Variants in GSTA2 observed in about 807,000 individuals in gnomAD.
GSTA2 encodes glutathione S-transferase alpha 2.
GSTA2 carries 27 observed loss-of-function variants against 22.4 expected under a neutral mutation model. That is an observed-to-expected ratio of 1.21 (90% CI 0.89 to 1.67). GSTA2 has a LOEUF of 1.67. GSTA2 is among the 40% of genes most tolerant of loss of function. The pLI is 0.00. For missense variants in GSTA2, 302 were observed against 260.2 expected (o/e 1.16, Z -1.11); for synonymous variants, 121 against 86.8 (o/e 1.39, Z -2.19).
intron 1 of GSTA2, among the ~76,000 whole-genome samples, chr6:52,759,106 G>T (rs1762903367): frequency 6.6e-6 from 1 of 152,294 alleles, no homozygotes; most frequent in Non-Finnish European, 1.5e-5. Flanking sequence ...AAATAGAAAA[G>T]AAAAGAATAG....
intron 4 of GSTA2, among the ~76,000 whole-genome samples, chr6:52,753,861 G>A (rs73740520): frequency 0.018 from 2,728 of 152,212 alleles, 89 homozygotes; most frequent in African/African-American, 0.061. Context: ...TACCATTAGC[G>A]GTATTCTTCA....
chr6:52,756,194 G>A lies in GSTA2; in HGVS notation c.139+64C>T, dbSNP rs138143600. The A allele has an allele frequency of 8.3e-4, 978 of 1,179,750 alleles. 4 individuals are homozygous for A. Among genetic ancestry groups the A allele is most frequent in the African/African-American group, 6.3e-3 (418 of 66,392 alleles). The allele number at this position is 1,179,750 out of a possible 1,614,324, so 73.1% of individuals were successfully genotyped here. Reference sequence around the variant, plus strand: ...CACACCCATAGACATTGCCGGCTGCGCAAACCTCCCCGTGTACCTTCTACT... The same window carrying A: ...CACACCCATAGACATTGCCGGCTGCACAAACCTCCCCGTGTACCTTCTACT... On this transcript the variant is annotated intron_variant, in intron 3 of 6. Coordinates refer to ENST00000493422, the MANE Select transcript of GSTA2 (RefSeq NM_000846.5).
Position 52,751,617 on chromosome 6 carries a change from T to C in GSTA2, c.506A>G (p.Glu169Gly). ...GCTGGAAATAAGGCTAGAGTCAAGCTCTTCCACGTAGTAGAGAAGTTCCAC... is the reference window on the plus strand; with the variant it reads ...GCTGGAAATAAGGCTAGAGTCAAGCCCTTCCACGTAGTAGAGAAGTTCCAC... ...HLVELLYYVEELDSSLISSFP... is the reference protein window; with the variant it reads ...HLVELLYYVEGLDSSLISSFP... Residue 169 changes from glutamate to glycine, a missense_variant, in exon 6 of 7, where the codon GAG (glutamate) becomes GGG (glycine). Physicochemically the swap from Glu to Gly is moderately conservative, Grantham distance 98. Coordinates refer to ENST00000493422, the MANE Select transcript of GSTA2 (RefSeq NM_000846.5). 3.7e-6 allele frequency: 6 copies of C among 1,614,114 alleles called. No individual in the cohort carries two copies. The highest frequency in any genetic ancestry group is 3.4e-6 in the Non-Finnish European group (4 of 1,180,010).
chr6:52,751,368 C>CAT (rs1762732483), intron 6 of GSTA2, among the ~76,000 whole-genome samples: 1 of 152,110 alleles, frequency 6.6e-6, no homozygotes, highest in African/African-American at 2.4e-5. Context: ...ATACTCTTTG[C>CAT]GGGGTAGCAT....
At chr6:52,751,246 G>A (rs1208224949) in intron 6 of GSTA2, among the ~76,000 whole-genome samples, 2 of 152,078 alleles carry the variant, frequency 1.3e-5, no homozygotes, top group East Asian at 3.9e-4. Flanking sequence ...ACTCAATGTG[G>A]GCACATATGG....
Position 52,751,587 on chromosome 6 carries a change from G to C in GSTA2, c.536C>G (p.Pro179Arg), listed in dbSNP as rs770599142. 6.2e-7 allele frequency: 1 copy of C among 1,614,052 alleles called. No homozygotes were observed. The highest frequency in any genetic ancestry group is 8.5e-7 in the Non-Finnish European group (1 of 1,179,976). ...ELDSSLISSF[P>R]LLKALKTRIS... ...TGTGAAATGGGTCACCTTCAGCAGA[G>C]GGAAGCTGGAAATAAGGCTAGAGTC... Residue 179 changes from proline to arginine, a missense_variant, in exon 6 of 7, where the codon CCT becomes CGT. By Grantham distance (103) the Pro-to-Arg change is moderately radical. Coordinates refer to ENST00000493422, the MANE Select transcript of GSTA2 (RefSeq NM_000846.5).
Position 52,750,308 on chromosome 6 carries a change from T to G in GSTA2, c.*269A>C, listed in dbSNP as rs575947792. 4.5e-4 allele frequency: 136 copies of G among 300,762 alleles called. 1 individual carries two copies. Among genetic ancestry groups the G allele is most frequent in the Middle Eastern group, 4.4e-3 (4 of 914 alleles). 18.6% of individuals were successfully genotyped at this position (300,762 alleles called of 1,614,324 possible). On this transcript the variant is annotated 3_prime_UTR_variant, in exon 7 of 7. Transcript: ENST00000493422. ...GGAAAAGTCAAACAAACCACATAAT[T>G]TATAGTTTCCATTTTTACTGAATTT...
chr6:52,752,941 C>G lies in GSTA2; in HGVS notation c.327G>C (p.Leu109=). 6.2e-7 allele frequency: 1 copy of G among 1,613,804 alleles called. No individual in the cohort carries two copies. Among genetic ancestry groups the G allele is most frequent in the Middle Eastern group, 1.7e-4 (1 of 6,056 alleles). ...CTTGTTCCTCAGGTTGACTAAAGGG[C>G]AGAAGAAGGATCATTTCACCCAAAT... is the stretch of plus-strand genomic sequence containing the variant. ...IADLGEMILL[L]PFSQPEEQDA... The change falls in exon 5 of 7, where the codon CTG becomes CTC. Residue 109 remains leucine (L), a synonymous_variant. Transcript: ENST00000493422.
intron 1 of GSTA2, among the ~76,000 whole-genome samples, chr6:52,760,324 CA>C (rs1762930995): frequency 1.3e-5 from 2 of 152,176 alleles, no homozygotes; most frequent in African/African-American, 4.8e-5. Flanking sequence ...ATTAACATAT[CA>C]CTTCCTCAAT....
At chr6:52,751,958 C>A (rs898421099) in intron 5 of GSTA2, among the ~76,000 whole-genome samples, 7 of 152,220 alleles carry the variant, frequency 4.6e-5, no homozygotes, top group Non-Finnish European at 1.0e-4. Context: ...TCTACACTAC[C>A]CACCCAGCTT....
intron 1 of GSTA2, among the ~76,000 whole-genome samples, chr6:52,758,996 A>G (rs1581776265): frequency 6.6e-6 from 1 of 152,346 alleles, no homozygotes; most frequent in East Asian, 1.9e-4. Context: ...GGTCACTGCT[A>G]TTAAAAACCA....
At chr6:52,763,332 G>C (rs1016924805) in intron 1 of GSTA2, 112 bp downstream of exon 1, 10 of 170,792 alleles carry the variant, frequency 5.9e-5, no homozygotes, top group Non-Finnish European at 1.1e-4. Context: ...GGCATGATAT[G>C]AGTAAAAACA....
chr6:52,762,588 C>T (rs1014012880), intron 1 of GSTA2, among the ~76,000 whole-genome samples: 4 of 152,172 alleles, frequency 2.6e-5, no homozygotes, highest in African/African-American at 9.7e-5. Flanking sequence ...CTGCCACATC[C>T]CCCTCTCTGA....
At chr6:52,754,884 G>C in intron 4 of GSTA2, 59 bp downstream of exon 4, 2 of 1,608,972 alleles carry the variant, frequency 1.2e-6, no homozygotes, top group Admixed American at 3.3e-5. Context: ...ACCCACTCAA[G>C]GAAGGACCTA....
chr6:52,751,816 T>A, intron 5 of GSTA2, 108 bp from the exon 6 acceptor site: 1 of 1,489,946 alleles, frequency 6.7e-7, no homozygotes, highest in Non-Finnish European at 9.3e-7. Context: ...GTTGCCTTAC[T>A]GCATGGATGC....
At chr6:52,762,468 T>C (rs148095606) in intron 1 of GSTA2, among the ~76,000 whole-genome samples, 1,585 of 152,278 alleles carry the variant, frequency 0.01, 23 homozygotes, top group African/African-American at 0.036. Context: ...GATATGTTTA[T>C]GTATGTGCAC....
At chr6:52,763,397 A>T (rs1374606982) in intron 1 of GSTA2, 47 bp downstream of exon 1, 1 of 178,632 alleles carries the variant, frequency 5.6e-6, no homozygotes, top group Non-Finnish European at 1.2e-5. Context: ...GAGGCTAGAG[A>T]GGAGGGTGTG....
chr6:52,759,565 T>TTTTTTTTG (rs1561897371), intron 1 of GSTA2, among the ~76,000 whole-genome samples: 3 of 31,892 alleles, frequency 9.4e-5, no homozygotes, highest in African/African-American at 2.7e-4. Flanking sequence ...ATTTATTTGT[T>TTTTTTTTG]TTTTTTTTTT....
At chr6:52,751,999 C>T (rs1762747097) in intron 5 of GSTA2, among the ~76,000 whole-genome samples, 1 of 152,220 alleles carries the variant, frequency 6.6e-6, no homozygotes. Flanking sequence ...GGGCTTAGCA[C>T]CTGCCGCCGC....
Sources: allele counts gnomAD v4.1 joint callset (sites outside exome capture counted in the v4.1 genomes callset), GRCh38; gene constraint gnomAD v4.1.1; transcripts MANE v1.5; gene names NCBI Gene and HGNC (gene_info 2026-07-23, HGNC 2026-07-21).